MST1R: variants seen among roughly 807,000 people sequenced by gnomAD.
MST1R encodes macrophage-stimulating protein receptor.
In MST1R, 99 loss-of-function variants were observed where a neutral mutation model predicts 117.8. The observed-to-expected ratio is 0.84, with a 90% CI of 0.71 to 0.99. MST1R has a LOEUF of 0.99. Ranked by LOEUF, MST1R falls within the 50% of genes least tolerant of loss-of-function variation. The pLI is 0.00. For missense variants in MST1R, 1,683 were observed against 1,840.2 expected (o/e 0.91, Z 1.56); for synonymous variants, 734 against 765.3 (o/e 0.96, Z 0.68).
In MST1R at chr3:49,903,495, C is replaced by A; in HGVS notation, c.115G>T (p.Asp39Tyr). 3 of 1,611,120 alleles carry A rather than the reference C, an allele frequency of 1.9e-6. No individual in the cohort carries two copies. In the East Asian group the frequency reaches 6.7e-5, roughly 36 times the overall value. The change falls in exon 1 of 20, where the codon GAC (aspartate) becomes TAC (tyrosine). Residue 39 changes from aspartate (D) to tyrosine (Y), a missense_variant. Physicochemically the swap from Asp to Tyr is radical, Grantham distance 160. Coordinates refer to ENST00000296474, the MANE Select transcript of MST1R (RefSeq NM_002447.4). ...GGCACCACGTACTTCACGTCAAAGT[C>A]GCGAGAGGCCGCGTAGGGGGTGCGC... ...CPRTPYAASR[D>Y]FDVKYVVPSF... is the part of the protein sequence containing the mutation.
At chr3:49,888,435 CAAA>C (rs35017850) in intron 19 of MST1R, among the ~76,000 whole-genome samples, 3 of 105,620 alleles carry the variant, frequency 2.8e-5, no homozygotes, top group African/African-American at 3.8e-5. Context: ...GACTCCATCT[CAAA>C]AAAAAAAAAA....
intron 14 of MST1R, 94 bp downstream of exon 14, chr3:49,895,073 A>G (rs539754951): frequency 2.5e-5 from 35 of 1,379,206 alleles, no homozygotes; most frequent in East Asian, 1.4e-4. Flanking sequence ...GGCCTCCCAA[A>G]GTGCTGGGAT....
rs1169924280 is a variant in MST1R at position 49,897,386 on chromosome 3, A to C, written c.2077T>G (p.Phe693Val). 2.8e-5 allele frequency: 45 copies of C among 1,613,758 alleles called. No individual in the cohort carries two copies. Among genetic ancestry groups the C allele is most frequent in the Non-Finnish European group, 3.7e-5 (44 of 1,179,930 alleles). ...EPVLIAVQPL[F>V]GPRAGGTCLT... ...CAGGTGCCTCCTGCCCGTGGGCCAA[A>C]GAGGGGTTGCACTGCTATCAGCACT... The change falls in exon 7 of 20, where the codon TTT becomes GTT. Residue 693 changes from phenylalanine (F) to valine (V), a missense_variant. By Grantham distance (50) the Phe-to-Val change is conservative. Coordinates refer to ENST00000296474, the MANE Select transcript of MST1R (RefSeq NM_002447.4).
rs200286403 is a variant in MST1R at position 49,902,416 on chromosome 3, G to A, written c.1194C>T (p.Leu398=). The A allele has an allele frequency of 8.9e-5, 144 of 1,614,082 alleles. 1 individual carries two copies. The East Asian group carries it at 1.7e-3, about 19-fold the overall frequency. Residue 398 remains leucine (L), a synonymous_variant, in exon 1 of 20, where the codon CTC becomes CTT. Coordinates refer to ENST00000296474, the MANE Select transcript of MST1R (RefSeq NM_002447.4). ...SPVHPGLRRG[L]DFFQSPSFCP... ...AAAAACTGGGCGACTGGAAGAAGTC[G>A]AGGCCTCGCCGGAGGCCTGGATGGA... is the stretch of plus-strand genomic sequence containing the variant.
intron 1 of MST1R, among the ~76,000 whole-genome samples, chr3:49,900,367 G>A (rs1172353859): frequency 6.6e-6 from 1 of 152,118 alleles, no homozygotes; most frequent in South Asian, 2.1e-4. Flanking sequence ...GTATGAACTC[G>A]CGGTGTTGGA....
At position 49,896,345 on chromosome 3, in the gene MST1R, G is replaced by C. The variant is rs761997484; in HGVS notation, c.2499C>G (p.Asp833Glu). Residue 833 changes from aspartate to glutamate, a missense_variant, in exon 10 of 20, where the codon GAC (aspartate) becomes GAG (glutamate). Coordinates refer to ENST00000296474, the MANE Select transcript of MST1R (RefSeq NM_002447.4). Reference sequence around the variant, plus strand: ...GATTCCCTGCCACCCATCCCTGGGGGTCTCGGACCACATATTCAGGAAGGC... The same window carrying C: ...GATTCCCTGCCACCCATCCCTGGGGCTCTCGGACCACATATTCAGGAAGGC... ...LCRLPEYVVR[D>E]PQGWVAGNLS... 6 of 1,614,078 alleles carry C rather than the reference G, an allele frequency of 3.7e-6. No individual in the cohort carries two copies. The South Asian group carries it at 6.6e-5, about 18-fold the overall frequency.
rs1243922044 is a variant in MST1R at position 49,896,812 on chromosome 3, C to A, written c.2262G>T (p.Gly754=). Residue 754 remains glycine (G), a synonymous_variant, in exon 8 of 20, where the codon GGG becomes GGT. Transcript: ENST00000296474. The part of the protein sequence containing the change: ...VASVPLSLQV[G]GAQVPGSWTF... ...TCCAGGAACCAGGTACCTGGGCACC[C>A]CCCACCTGCAGGCTAAGGGGGACAC... 16 of 1,559,624 alleles carry A rather than the reference C, an allele frequency of 1.0e-5. No homozygotes were observed. The highest frequency in any genetic ancestry group is 1.3e-5 in the Non-Finnish European group (15 of 1,150,950).
chr3:49,887,628 C>T, intron 19 of MST1R, 66 bp from the exon 20 acceptor site: 1 of 1,566,870 alleles, frequency 6.4e-7, no homozygotes, highest in Non-Finnish European at 8.7e-7. Flanking sequence ...CACCCACTTG[C>T]TGTTAAACCT....
In MST1R at chr3:49,891,788, G is replaced by A. The variant is rs150876558; in HGVS notation, c.3322C>T (p.Arg1108Ter). 482 of 1,614,030 alleles carry A rather than the reference G, an allele frequency of 3.0e-4. No individual in the cohort carries two copies. The highest frequency in any genetic ancestry group is 3.9e-4 in the Non-Finnish European group (463 of 1,180,002). Residue 1108 changes from arginine (R) to a stop codon, truncating the protein, a stop_gained, in exon 15 of 20, where the codon CGA becomes TGA. Coordinates refer to ENST00000296474, the MANE Select transcript of MST1R (RefSeq NM_002447.4). LOFTEE classifies it high-confidence loss of function. Reference protein sequence around the residue: ...HGEYIDQAQNRIQCAIKSLSR... With the variant: ...HGEYIDQAQN Reference sequence around the variant, plus strand: ...AGTGACTTGATGGCACATTGGATTCGATTCTGGGCCTGGTCTATGTATTCT... The same window carrying A: ...AGTGACTTGATGGCACATTGGATTCAATTCTGGGCCTGGTCTATGTATTCT...
Position 49,902,932 on chromosome 3 carries a change from C to G in MST1R, c.678G>C (p.Ser226=), listed in dbSNP as rs568339174. 1 of 1,613,354 alleles carries G rather than the reference C, an allele frequency of 6.2e-7. No individual in the cohort carries two copies. The highest frequency in any genetic ancestry group is 8.5e-7 in the Non-Finnish European group (1 of 1,180,004). Reference sequence around the variant, plus strand: ...ACGCCACAAAGCCCGGTGCGAATCCCGAGGCGTCAGCCTTGAGACGCCTGA... The same window carrying G: ...ACGCCACAAAGCCCGGTGCGAATCCGGAGGCGTCAGCCTTGAGACGCCTGA... ...VSIRRLKADA[S]GFAPGFVALS... is the part of the protein sequence containing the mutation. Residue 226 remains serine (S), a synonymous_variant, in exon 1 of 20, where the codon TCG becomes TCC. Transcript: ENST00000296474.
chr3:49,893,537 G>A (rs970824390), intron 14 of MST1R, among the ~76,000 whole-genome samples: 11 of 151,820 alleles, frequency 7.2e-5, no homozygotes, highest in African/African-American at 2.7e-4. Context: ...CTGGGAGGGG[G>A]AGGTTGCAGT....
At chr3:49,894,591 T>C (rs1400942345) in intron 14 of MST1R, among the ~76,000 whole-genome samples, 4 of 151,880 alleles carry the variant, frequency 2.6e-5, no homozygotes. Flanking sequence ...AAACCATAAA[T>C]AAAACCAAAA....
rs1575441548 is a variant in MST1R at position 49,897,397 on chromosome 3, A to G, written c.2066T>C (p.Val689Ala). ...FSFMEPVLIA[V>A]QPLFGPRAGG... ...TGCCCGTGGGCCAAAGAGGGGTTGC[A>G]CTGCTATCAGCACTGGCTCCTAAGA... is the stretch of plus-strand genomic sequence containing the variant. Residue 689 changes from valine (V) to alanine (A), a missense_variant, in exon 7 of 20, where the codon GTG becomes GCG. Coordinates refer to ENST00000296474, the MANE Select transcript of MST1R (RefSeq NM_002447.4). 1 of 1,613,682 alleles carries G rather than the reference A, an allele frequency of 6.2e-7. No homozygotes were observed. The highest frequency in any genetic ancestry group is 1.1e-5 in the South Asian group (1 of 91,020).
At chr3:49,899,962 T>A (rs1304015847) in intron 1 of MST1R, among the ~76,000 whole-genome samples, 1 of 152,164 alleles carries the variant, frequency 6.6e-6, no homozygotes, top group East Asian at 1.9e-4. Flanking sequence ...AGAGCCCAGT[T>A]GGAAGTCTCA....
chr3:49,891,260 C>T lies in MST1R; in HGVS notation c.3581G>A (p.Arg1194His), dbSNP rs560835056. The T allele has an allele frequency of 4.6e-4, 747 of 1,614,166 alleles. 3 individuals carry two copies. The South Asian group carries it at 7.2e-3, about 15-fold the overall frequency. Residue 1194 changes from arginine (R) to histidine (H), a missense_variant, in exon 17 of 20, where the codon CGC becomes CAC. Transcript: ENST00000296474. ...CTGCTCTGCCAGGTACTCCATGCCG[C>T]GGGCTACCTGCAGGCCAAAGCTGAT... ...DLISFGLQVA[R>H]GMEYLAEQKF...
rs375003602 is a variant in MST1R, at chr3:49,897,320, G to A, written c.2143C>T (p.Arg715Trp). 11 of 1,613,440 alleles carry A rather than the reference G, an allele frequency of 6.8e-6. No homozygotes were observed. The highest frequency in any genetic ancestry group is 1.6e-4 in the Middle Eastern group (1 of 6,082). The change falls in exon 7 of 20, where the codon CGG becomes TGG. Residue 715 changes from arginine (R) to tryptophan (W), a missense_variant. Physicochemically the swap from Arg to Trp is moderately radical, Grantham distance 101. Coordinates refer to ENST00000296474, the MANE Select transcript of MST1R (RefSeq NM_002447.4). ...TCAGTCCCATTGACCAGCACAGCCC[G>A]GCTGGTGCCTACAGACAGACTCTGG... is the stretch of plus-strand genomic sequence containing the variant. Reference protein sequence around the residue: ...EGQSLSVGTSRAVLVNGTECL... With the variant: ...EGQSLSVGTSWAVLVNGTECL...
intron 19 of MST1R, 80 bp from the exon 20 acceptor site, chr3:49,887,642 GC>G: frequency 2.6e-6 from 4 of 1,512,152 alleles, no homozygotes; most frequent in Non-Finnish European, 2.7e-6. Flanking sequence ...TAAACCTCTG[GC>G]AGGCCACACA....
In MST1R at chr3:49,896,035, C is replaced by G. The variant is rs372578503; in HGVS notation, c.2722G>C (p.Glu908Gln). 6.2e-7 allele frequency: 1 copy of G among 1,607,698 alleles called. No homozygotes were observed. Among genetic ancestry groups the G allele is most frequent in the Admixed American group, 1.7e-5 (1 of 59,670 alleles). The change falls in exon 11 of 20, where the codon GAG (glutamate) becomes CAG (glutamine). Residue 908 changes from glutamate to glutamine, a missense_variant. Physicochemically the swap from Glu to Gln is conservative, Grantham distance 29. Transcript: ENST00000296474. The part of the protein sequence containing the change: ...VTVGGESCQH[E>Q]FRGDMVVCPL... ...CAGACAACCATGTCCCCCCGGAACT[C>G]GTGCTGGCAGCTCTCACCACCCACG...
At position 49,887,439 on chromosome 3, in the gene MST1R, T is replaced by C. The variant is rs1575417462; in HGVS notation, c.4071A>G (p.Pro1357=). 1.2e-6 allele frequency: 2 copies of C among 1,614,246 alleles called. No individual in the cohort carries two copies. Among genetic ancestry groups the C allele is most frequent in the South Asian group, 1.1e-5 (1 of 91,090 alleles). The part of the protein sequence containing the change: ...ALLGDHYVQL[P]ATYMNLGPST... Reference sequence around the variant, plus strand: ...TGGGGCCCAAGTTCATGTAGGTTGCTGGCAGCTGCACATAATGGTCCCCAA... The same window carrying C: ...TGGGGCCCAAGTTCATGTAGGTTGCCGGCAGCTGCACATAATGGTCCCCAA... The change falls in exon 20 of 20, where the codon CCA becomes CCG. Residue 1357 remains proline, a synonymous_variant. Transcript: ENST00000296474.
Sources: allele counts gnomAD v4.1 joint callset (sites outside exome capture counted in the v4.1 genomes callset), GRCh38; gene constraint gnomAD v4.1.1; transcripts MANE v1.5; gene names NCBI Gene and HGNC (gene_info 2026-07-23, HGNC 2026-07-21).